VPS13D: variants seen among roughly 807,000 people sequenced by gnomAD.
VPS13D encodes the protein intermembrane lipid transfer protein VPS13D.
In VPS13D, 187 loss-of-function variants were observed where a neutral mutation model predicts 461.9. That is an observed-to-expected ratio of 0.40 (90% CI 0.36 to 0.46). The LOEUF (loss-of-function observed/expected upper bound fraction) is 0.46, where lower values mean the gene tolerates loss of function less well. VPS13D is among the 20% of genes least tolerant of loss of function. VPS13D has a pLI of 0.60. For synonymous variants in VPS13D, 1,951 were observed against 1,986.3 expected (o/e 0.98, Z 0.47); for missense variants, 4,711 against 5,364.9 (o/e 0.88, Z 3.81).
chr1:12,400,116 T>TA, intron 60 of VPS13D, 65 bp from the exon 61 acceptor site: 1 of 1,575,850 alleles, frequency 6.3e-7, no homozygotes, highest in South Asian at 1.2e-5. Flanking sequence ...CACTCAAGCG[T>TA]AAAAATGAAA....
At chr1:12,446,692 TA>T (rs966911789) in intron 65 of VPS13D, among the ~76,000 whole-genome samples, 9 of 152,186 alleles carry the variant, frequency 5.9e-5, no homozygotes, top group African/African-American at 2.2e-4. Context: ...AGCTCTAACT[TA>T]GCAAATGTTT....
chr1:12,230,204 C>T (rs1201383699), intron 1 of VPS13D, 84 bp downstream of exon 1: 1 of 152,316 alleles, frequency 6.6e-6, no homozygotes, highest in Non-Finnish European at 1.5e-5. Flanking sequence ...GCCGCTAGGG[C>T]TCCGCCTGGA....
At position 12,311,546 on chromosome 1, in the gene VPS13D, G is replaced by A. The variant is rs202191188; in HGVS notation, c.6743G>A (p.Arg2248His). ...GATCTGTATAAATACAAGCTGATCC[G>A]CGGCTTATTAGAGAACAACCTGGGA... ...SLDLYKYKLIRGLLENNLGEP... is the reference protein window; with the variant it reads ...SLDLYKYKLIHGLLENNLGEP... The change falls in exon 28 of 70, where the codon CGC becomes CAC. Residue 2248 changes from arginine (R) to histidine (H), a missense_variant. Transcript: ENST00000620676. 6.4e-5 allele frequency: 103 copies of A among 1,613,984 alleles called. No individual in the cohort carries two copies. The highest frequency in any genetic ancestry group is 7.9e-5 in the Non-Finnish European group (93 of 1,180,030).
At chr1:12,489,446 C>T (rs944877649) in intron 67 of VPS13D, among the ~76,000 whole-genome samples, 10 of 152,218 alleles carry the variant, frequency 6.6e-5, no homozygotes, top group African/African-American at 2.4e-4. Flanking sequence ...TTTCTTGAAT[C>T]AACATCTTTC....
In VPS13D at chr1:12,510,467, A is replaced by G. The variant is rs574436432; in HGVS notation, c.*1443A>G. 1 of 152,508 alleles carries G rather than the reference A, an allele frequency of 6.6e-6. No individual in the cohort carries two copies. The highest frequency in any genetic ancestry group is 6.5e-5 in the Admixed American group (1 of 15,306). 9.4% of individuals were successfully genotyped at this position (152,508 alleles called of 1,614,324 possible). The stretch of plus-strand genomic sequence containing the variant: ...ATGACCCAAATCCTTCCAAGACACA[A>G]ATGAAGCTAATCTTCTTCCCCTCCC... On this transcript the variant is annotated 3_prime_UTR_variant, in exon 70 of 70. Coordinates refer to ENST00000620676, the MANE Select transcript of VPS13D (RefSeq NM_015378.4).
rs187281939 is a variant in VPS13D at position 12,346,836 on chromosome 1, A to T, written c.9069+184A>T. On this transcript the variant is annotated intron_variant, in intron 44 of 69. Coordinates refer to ENST00000620676, the MANE Select transcript of VPS13D (RefSeq NM_015378.4). Reference sequence around the variant, plus strand: ...CAAAAACTTGCAAGAAAATGTTTTCACCTAGCTTGGTGTGTGAGACTAAGT... The same window carrying T: ...CAAAAACTTGCAAGAAAATGTTTTCTCCTAGCTTGGTGTGTGAGACTAAGT... Among the ~76,000 whole-genome samples, 519 of 152,326 alleles carry T rather than the reference A, an allele frequency of 3.4e-3. 4 individuals carry two copies. The highest frequency in any genetic ancestry group is 0.011 in the African/African-American group (457 of 41,580).
chr1:12,233,065 G>A (rs1640034813), intron 1 of VPS13D, among the ~76,000 whole-genome samples: 1 of 151,694 alleles, frequency 6.6e-6, no homozygotes, highest in Middle Eastern at 3.4e-3. Context: ...GAGTGCGGTG[G>A]TGTGATCTTG....
At position 12,348,947 on chromosome 1, in the gene VPS13D, GA is replaced by G; in HGVS notation, c.9195del (p.Arg3065SerfsTer55). The G allele has an allele frequency of 6.2e-7, 1 of 1,614,160 alleles. No homozygotes were observed. Among genetic ancestry groups the G allele is most frequent in the South Asian group, 1.1e-5 (1 of 91,078 alleles). On this transcript the variant is annotated frameshift_variant, in exon 45 of 70. Transcript: ENST00000620676. LOFTEE classifies it high-confidence loss of function. ...AGACTTGAGACACCAATGGAACTAA[GA>G]CTGGATAGCCCATCAGCTCCAGACA... ...RNRLETPMELRLDSPSAPDKP... is the reference protein window; with the variant it reads ...RNRLETPMELXLDSPSAPDKP...
Position 12,293,654 on chromosome 1 carries a change from C to A in VPS13D, c.5983C>A (p.Gln1995Lys). ...EVVAFIQHFT[Q>K]LQDVLGRQRA... is the part of the protein sequence containing the mutation. ...GGTGGCCTTCATTCAGCATTTCACT[C>A]AGCTGCAGGATGTCTTAGGGCGCCA... The change falls in exon 24 of 70, where the codon CAG becomes AAG. Residue 1995 changes from glutamine (Q) to lysine (K), a missense_variant. Gln to Lys is a moderately conservative substitution (Grantham distance 53). This residue lies in a region of VPS13D where 4,411 missense variants were observed against 4,937.8 expected (regional missense o/e 0.89). Transcript: ENST00000620676. 1 of 1,614,174 alleles carries A rather than the reference C, an allele frequency of 6.2e-7. No individual in the cohort carries two copies. Among genetic ancestry groups the A allele is most frequent in the Non-Finnish European group, 8.5e-7 (1 of 1,180,006 alleles).
intron 67 of VPS13D, among the ~76,000 whole-genome samples, chr1:12,488,720 T>C (rs996306261): frequency 4.0e-5 from 6 of 148,878 alleles, no homozygotes; most frequent in African/African-American, 1.2e-4. Context: ...TTTATTAATG[T>C]AATCAGCTTG....
At chr1:12,316,840 A>G (rs1642899631) in intron 30 of VPS13D, among the ~76,000 whole-genome samples, 1 of 152,022 alleles carries the variant, frequency 6.6e-6, no homozygotes, top group African/African-American at 2.4e-5. Flanking sequence ...CTCTTGTCCT[A>G]CTCATCTGAG....
intron 22 of VPS13D, among the ~76,000 whole-genome samples, chr1:12,290,127 C>T (rs112308430): frequency 3.9e-5 from 6 of 152,182 alleles, no homozygotes; most frequent in African/African-American, 1.2e-4. Flanking sequence ...ACATTCTAGT[C>T]GTACATGTTT....
chr1:12,270,983 C>T lies in VPS13D; in HGVS notation c.1973-11C>T, dbSNP rs1192868874. The T allele has an allele frequency of 6.2e-7, 1 of 1,613,046 alleles. No homozygotes were observed. On this transcript the variant is annotated splice_polypyrimidine_tract_variant and intron_variant, in intron 16 of 69. Transcript: ENST00000620676. ...AAATTCTGACTCTGCTGTGTATTTC[C>T]AACCTTGCAGGTTTTGGTTATCAGT... is the stretch of plus-strand genomic sequence containing the variant.
At chr1:12,248,497 C>T (rs1211958876) in intron 5 of VPS13D, among the ~76,000 whole-genome samples, 1 of 152,054 alleles carries the variant, frequency 6.6e-6, no homozygotes, top group African/African-American at 2.4e-5. Flanking sequence ...CTCGTGCCAC[C>T]ATACCTGGCT....
At chr1:12,472,277 C>T (rs1225100879) in intron 67 of VPS13D, among the ~76,000 whole-genome samples, 1 of 152,148 alleles carries the variant, frequency 6.6e-6, no homozygotes, top group Non-Finnish European at 1.5e-5. Context: ...GCTGAGGGGG[C>T]CTTACTGTGG....
chr1:12,461,012 A>G (rs982400638), intron 67 of VPS13D, among the ~76,000 whole-genome samples: 3 of 152,184 alleles, frequency 2.0e-5, no homozygotes, highest in African/African-American at 7.2e-5. Flanking sequence ...GAGACTGGAA[A>G]TCAGGGACAG....
intron 65 of VPS13D, among the ~76,000 whole-genome samples, chr1:12,439,957 AT>A (rs1645108857): frequency 6.6e-6 from 1 of 152,194 alleles, no homozygotes; most frequent in African/African-American, 2.4e-5. Context: ...CCTCACCCTC[AT>A]TTATGTCTGC....
chr1:12,309,313 C>T (rs1418500132), intron 27 of VPS13D, among the ~76,000 whole-genome samples: 3 of 149,228 alleles, frequency 2.0e-5, no homozygotes, highest in African/African-American at 7.4e-5. Context: ...CGGGTTCAAG[C>T]GATTCTCCTT....
At chr1:12,419,512 C>G (rs1166881029) in intron 65 of VPS13D, among the ~76,000 whole-genome samples, 1 of 152,200 alleles carries the variant, frequency 6.6e-6, no homozygotes, top group East Asian at 1.9e-4. Context: ...CTGGCGAAGT[C>G]TTAGGAAGCT....
Sources: allele counts gnomAD v4.1 joint callset (sites outside exome capture counted in the v4.1 genomes callset), GRCh38; gene constraint gnomAD v4.1.1; regional missense constraint gnomAD v4.1.1; transcripts MANE v1.5; gene names NCBI Gene and HGNC (gene_info 2026-07-23, HGNC 2026-07-21).